ELP2: variants seen among roughly 807,000 people sequenced by gnomAD.
The protein encoded by ELP2 is elongator complex protein 2.
ELP2 carries 90 observed loss-of-function variants against 119.2 expected under a neutral mutation model. That is an observed-to-expected ratio of 0.75 (90% CI 0.64 to 0.90). The LOEUF (loss-of-function observed/expected upper bound fraction) is 0.90, where lower values mean the gene tolerates loss of function less well. Ranked by LOEUF, ELP2 falls within the 40% of genes least tolerant of loss-of-function variation. ELP2 has a pLI of 0.00. For missense variants in ELP2, 921 were observed against 967.8 expected (o/e 0.95, Z 0.64); for synonymous variants, 339 against 331.0 (o/e 1.02, Z -0.26).
At chr18:36,131,796 A>T (rs1336333260) in intron 1 of ELP2, among the ~76,000 whole-genome samples, 2 of 152,216 alleles carry the variant, frequency 1.3e-5, no homozygotes, top group African/African-American at 2.4e-5. Context: ...GCAGCAGTTG[A>T]ATGGATTTGT....
Position 36,177,363 on chromosome 18 carries a change from T to C in ELP2, c.*2722T>C, listed in dbSNP as rs936841127. On this transcript the variant is annotated 3_prime_UTR_variant, in exon 22 of 22. Transcript: ENST00000358232. ...ACGCTGACATGTGCTGCAACATGGATGAATCTTGAGGACATGATGCTAAGT... is the reference window on the plus strand; with the variant it reads ...ACGCTGACATGTGCTGCAACATGGACGAATCTTGAGGACATGATGCTAAGT... 4.6e-5 allele frequency: 7 copies of C among 152,260 alleles called. No homozygotes were observed. Among genetic ancestry groups the C allele is most frequent in the Non-Finnish European group, 5.9e-5 (4 of 68,074 alleles). 9.4% of individuals were successfully genotyped at this position (152,260 alleles called of 1,614,324 possible).
At chr18:36,170,717 A>T (rs1343025439) in intron 20 of ELP2, among the ~76,000 whole-genome samples, 2 of 152,210 alleles carry the variant, frequency 1.3e-5, no homozygotes, top group Admixed American at 6.5e-5. Context: ...AATGGGGCTC[A>T]AAGATTCTTA....
chr18:36,174,460 C>T (rs769026570), intron 21 of ELP2, 25 bp from the exon 22 acceptor site: 1 of 1,609,210 alleles, frequency 6.2e-7, no homozygotes. Context: ...AAAAACATTT[C>T]ATGATTTCTC....
At chr18:36,161,483 A>G (rs2090738410) in intron 17 of ELP2, among the ~76,000 whole-genome samples, 1 of 152,178 alleles carries the variant, frequency 6.6e-6, no homozygotes, top group Non-Finnish European at 1.5e-5. Flanking sequence ...AGAAGAGGAA[A>G]CCTGGAGTGA....
At chr18:36,158,592 A>G in intron 13 of ELP2, 1 of 417,936 alleles carries the variant, frequency 2.4e-6, no homozygotes, top group South Asian at 2.7e-5. Flanking sequence ...GACTTTATGG[A>G]TTGCATGGGA....
At chr18:36,146,829 C>T (rs575848105) in intron 11 of ELP2, among the ~76,000 whole-genome samples, 5 of 151,702 alleles carry the variant, frequency 3.3e-5, no homozygotes, top group East Asian at 1.9e-4. Context: ...GAATAAGACC[C>T]GTCTCCAAAA....
intron 21 of ELP2, among the ~76,000 whole-genome samples, chr18:36,171,511 C>T (rs1479221952): frequency 3.9e-5 from 6 of 152,156 alleles, no homozygotes; most frequent in African/African-American, 1.2e-4. Context: ...TTCTGGATTG[C>T]ACTTTGGTAG....
intron 11 of ELP2, among the ~76,000 whole-genome samples, chr18:36,154,173 C>T (rs2090492142): frequency 6.6e-6 from 1 of 150,812 alleles, no homozygotes; most frequent in African/African-American, 2.4e-5. Flanking sequence ...TTTAATTTTC[C>T]TCTAAAGGTT....
intron 21 of ELP2, among the ~76,000 whole-genome samples, chr18:36,172,374 G>C (rs1225608225): frequency 6.6e-6 from 1 of 152,178 alleles, no homozygotes; most frequent in African/African-American, 2.4e-5. Context: ...ATTTCAAATA[G>C]CAATTTCAAA....
At chr18:36,137,057 G>A (rs150783731) in intron 3 of ELP2, 1 of 152,160 alleles carries the variant, frequency 6.6e-6, no homozygotes, top group African/African-American at 2.4e-5. Flanking sequence ...TATAAAGAAG[G>A]AAAAACCTAT....
In ELP2 at chr18:36,142,901, C is replaced by G. The variant is rs2090079184; in HGVS notation, c.731C>G (p.Ser244Cys). Residue 244 changes from serine (S) to cysteine (C), a missense_variant, in exon 8 of 22, where the codon TCT becomes TGT. Transcript: ENST00000358232. ...TGGAAGCTGTATATAAAGTCAACAT[C>G]TTTAGAAACTCAGGATGACGATAAC... ...RIWKLYIKST[S>C]LETQDDDNIR... The G allele has an allele frequency of 5.0e-6, 8 of 1,601,340 alleles. No individual in the cohort carries two copies. The highest frequency in any genetic ancestry group is 6.8e-6 in the Non-Finnish European group (8 of 1,170,466).
intron 1 of ELP2, among the ~76,000 whole-genome samples, chr18:36,131,577 TC>T (rs2089629220): frequency 6.6e-6 from 1 of 152,006 alleles, no homozygotes; most frequent in South Asian, 2.1e-4. Context: ...ATCAACTCCG[TC>T]GTAAAATTAG....
Position 36,159,741 on chromosome 18 carries a change from T to C in ELP2, c.1541T>C (p.Ile514Thr), listed in dbSNP as rs140450502. The change falls in exon 15 of 22, where the codon ATA becomes ACA. Residue 514 changes from isoleucine (I) to threonine (T), a missense_variant. Coordinates refer to ENST00000358232, the MANE Select transcript of ELP2 (RefSeq NM_018255.4). ...LSNKAVFQGD[I>T]ASQPSDEEEL... is the part of the protein sequence containing the mutation. ...ATGTGTTTCTTCAAACTAGGAGATA[T>C]AGCTTCTCAGCCTTCTGATGAAGAG... The C allele has an allele frequency of 1.4e-5, 22 of 1,612,616 alleles. No individual in the cohort carries two copies. The highest frequency in any genetic ancestry group is 5.3e-5 in the African/African-American group (4 of 74,908).
chr18:36,164,851 A>G (rs1225423527), intron 18 of ELP2, 184 bp downstream of exon 18: 4 of 628,726 alleles, frequency 6.4e-6, no homozygotes, highest in South Asian at 1.9e-5. Flanking sequence ...TTAAATGGAG[A>G]TGATCTTTAT....
chr18:36,138,875 G>GGCATC lies in ELP2; in HGVS notation c.523+3_523+4insGCATC. ...ATCTTTTTTGCCAAATACTGATGGT[G>GGCATC]AGTATCCTGTTAAGTATATGTTAAA... is the stretch of plus-strand genomic sequence containing the variant. On this transcript the variant is annotated splice_donor_region_variant and intron_variant, in intron 5 of 21. Coordinates refer to ENST00000358232, the MANE Select transcript of ELP2 (RefSeq NM_018255.4). 1 of 1,610,706 alleles carries GGCATC rather than the reference G, an allele frequency of 6.2e-7. No homozygotes were observed. Among genetic ancestry groups the GGCATC allele is most frequent in the Non-Finnish European group, 8.5e-7 (1 of 1,177,152 alleles).
At chr18:36,151,742 G>GTT (rs71166098) in intron 11 of ELP2, among the ~76,000 whole-genome samples, 193 of 109,782 alleles carry the variant, frequency 1.8e-3, no homozygotes, top group African/African-American at 3.9e-3. Context: ...GTTCTGTTCT[G>GTT]TTTTTTTTTT....
At chr18:36,166,330 T>G (rs1166374010) in intron 18 of ELP2, among the ~76,000 whole-genome samples, 1 of 118,520 alleles carries the variant, frequency 8.4e-6, no homozygotes. Flanking sequence ...TTTTTTTTTT[T>G]TTTTTTTTTT....
chr18:36,172,065 G>GT (rs2091097861), intron 21 of ELP2, among the ~76,000 whole-genome samples: 1 of 151,942 alleles, frequency 6.6e-6, no homozygotes, highest in Admixed American at 6.6e-5. Context: ...GGGTGTGTTG[G>GT]CTCATGGTCT....
Position 36,168,969 on chromosome 18 carries a change from G to T in ELP2, c.2077-1094G>T, listed in dbSNP as rs180927668. ...GATGGAGTTTCGCTCTTGTTGCCTA[G>T]GCTGGAGTGCAGTGGCGTGATCTTG... On this transcript the variant is annotated intron_variant, in intron 19 of 21. Coordinates refer to ENST00000358232, the MANE Select transcript of ELP2 (RefSeq NM_018255.4). Among the ~76,000 whole-genome samples the T allele has an allele frequency of 2.8e-3, 382 of 137,104 alleles. 1 individual carries two copies. Among genetic ancestry groups the T allele is most frequent in the African/African-American group, 0.01 (360 of 35,144 alleles). 89.9% of individuals were successfully genotyped at this position (137,104 alleles called of 152,430 possible).
Sources: gnomAD v4.1 joint callset for allele counts (sites outside exome capture counted in the v4.1 genomes callset) on GRCh38, gnomAD v4.1.1 for gene constraint, MANE v1.5 for transcripts, NCBI Gene and HGNC (gene_info 2026-07-23, HGNC 2026-07-21) for gene names.